Variants in SHTN1 observed in about 807,000 individuals in gnomAD.
SHTN1 encodes shootin-1.
In SHTN1, 42 loss-of-function variants were observed where a neutral mutation model predicts 83.1. That is an observed-to-expected ratio of 0.51 (90% CI 0.39 to 0.65). The LOEUF is 0.65. SHTN1 is among the 30% of genes least tolerant of loss of function. The pLI is 0.00. For synonymous variants in SHTN1, 224 were observed against 247.7 expected (o/e 0.90, Z 0.90); for missense variants, 622 against 737.8 (o/e 0.84, Z 1.82).
chr10:117,111,357 A>C (rs982788749), intron 1 of SHTN1, among the ~76,000 whole-genome samples: 8 of 151,644 alleles, frequency 5.3e-5, no homozygotes, highest in African/African-American at 1.9e-4. Flanking sequence ...ACAGTAGCAC[A>C]GTCTCAGCTC....
chr10:117,044,048 C>T (rs1190484208), intron 2 of SHTN1, among the ~76,000 whole-genome samples: 1 of 152,032 alleles, frequency 6.6e-6, no homozygotes. Context: ...GTTCAAATGC[C>T]AGGTTGAAAA....
chr10:116,970,370 C>T (rs1185802712), intron 2 of SHTN1, among the ~76,000 whole-genome samples: 2 of 152,108 alleles, frequency 1.3e-5, no homozygotes, highest in South Asian at 2.1e-4. Context: ...ATACACTATA[C>T]TACAGAGCAG....
intron 2 of SHTN1, among the ~76,000 whole-genome samples, chr10:117,028,241 G>C (rs1013362109): frequency 1.3e-5 from 2 of 152,162 alleles, no homozygotes; most frequent in Non-Finnish European, 2.9e-5. Flanking sequence ...GATGTAACCA[G>C]GCTGCTTCTA....
upstream of SHTN1, among the ~76,000 whole-genome samples, chr10:117,005,749 G>A (rs1851995361): frequency 6.6e-6 from 1 of 152,228 alleles, no homozygotes; most frequent in South Asian, 2.1e-4. Context: ...CATGCCGTGA[G>A]TGAAGGAGGG....
In SHTN1 at chr10:116,901,933, G is replaced by A. The variant is rs1307187095; in HGVS notation, c.1505C>T (p.Ser502Leu). The A allele has an allele frequency of 6.2e-7, 1 of 1,601,766 alleles. No homozygotes were observed. The highest frequency in any genetic ancestry group is 8.5e-7 in the Non-Finnish European group (1 of 1,175,534). ...CAACACTGGCATGGATTTGGACTCT[G>A]AGGTGGCTAATATCCCAGTTGGACC... ...SSSPTGILAT[S>L]ESKSMPVLGS... The change falls in exon 16 of 17, where the codon TCA (serine) becomes TTA (leucine). Residue 502 changes from serine to leucine, a missense_variant. Ser to Leu is a moderately radical substitution (Grantham distance 145). Transcript: ENST00000355371.
In SHTN1 at chr10:116,886,122, C is replaced by T. The variant is rs1304407975; in HGVS notation, c.*222G>A. On this transcript the variant is annotated 3_prime_UTR_variant, in exon 17 of 17. Transcript: ENST00000355371. ...ACAGTAACTAGGAAAAAAACCTCATCTTTATAAAGATCAAAAAACCAAAAC... is the reference window on the plus strand; with the variant it reads ...ACAGTAACTAGGAAAAAAACCTCATTTTTATAAAGATCAAAAAACCAAAAC... 1.7e-6 allele frequency: 1 copy of T among 599,580 alleles called. No individual in the cohort carries two copies. The highest frequency in any genetic ancestry group is 2.8e-6 in the Non-Finnish European group (1 of 355,888). 37.1% of individuals were successfully genotyped at this position (599,580 alleles called of 1,614,324 possible).
intron 2 of SHTN1, among the ~76,000 whole-genome samples, chr10:117,018,781 C>T (rs1338778755): frequency 6.6e-6 from 1 of 152,022 alleles, no homozygotes; most frequent in East Asian, 1.9e-4. Flanking sequence ...CCATGTTGGC[C>T]AGGCTGGTCT....
At chr10:116,928,662 C>T (rs572526638) in intron 10 of SHTN1, among the ~76,000 whole-genome samples, 25 of 152,302 alleles carry the variant, frequency 1.6e-4, no homozygotes, top group African/African-American at 5.8e-4. Context: ...CCACTTTCCC[C>T]GACTGAGTGT....
chr10:117,030,899 G>A (rs1279744697), intron 2 of SHTN1, among the ~76,000 whole-genome samples: 1 of 152,036 alleles, frequency 6.6e-6, no homozygotes, highest in African/African-American at 2.4e-5. Flanking sequence ...AGAGTTATAG[G>A]TCTTAAAGAA....
At chr10:117,119,442 G>C (rs1173019083) in intron 1 of SHTN1, among the ~76,000 whole-genome samples, 2 of 152,128 alleles carry the variant, frequency 1.3e-5, no homozygotes, top group Admixed American at 1.3e-4. Flanking sequence ...CATATGAAAA[G>C]GTGCTCAACA....
rs1205830623 is a variant in SHTN1, at chr10:116,987,760, C to A, written c.59-8452G>T. ...TGAAACCCCGTCTCTACTAAAAAAACAAAAATTAGCCAGGAGTGGGGGCAT... is the reference window on the plus strand; with the variant it reads ...TGAAACCCCGTCTCTACTAAAAAAAAAAAAATTAGCCAGGAGTGGGGGCAT... On this transcript the variant is annotated intron_variant, in intron 1 of 16. Transcript: ENST00000355371. Among the ~76,000 whole-genome samples the A allele has an allele frequency of 3.9e-5, 6 of 151,960 alleles. No homozygotes were observed. The East Asian group carries it at 1.2e-3, about 29-fold the overall frequency.
chr10:117,012,508 G>A (rs4752022), intron 2 of SHTN1, among the ~76,000 whole-genome samples: 145,708 of 152,062 alleles, frequency 0.96, 70,113 homozygotes, highest in Non-Finnish European at 1. Context: ...GAAAAAAAAA[G>A]TCTTTTCAAA....
intron 1 of SHTN1, among the ~76,000 whole-genome samples, chr10:116,999,454 T>C (rs985954795): frequency 6.6e-6 from 1 of 152,232 alleles, no homozygotes; most frequent in Non-Finnish European, 1.5e-5. Flanking sequence ...CAATGGCTTA[T>C]GGCCCTTCAA....
intron 2 of SHTN1, among the ~76,000 whole-genome samples, chr10:116,969,581 C>G (rs549235737): frequency 2.6e-5 from 4 of 152,300 alleles, no homozygotes; most frequent in African/African-American, 9.6e-5. Flanking sequence ...ATATTCCATA[C>G]TAAGCACATA....
At chr10:116,984,611 T>A (rs576639963) in intron 1 of SHTN1, among the ~76,000 whole-genome samples, 2 of 152,258 alleles carry the variant, frequency 1.3e-5, no homozygotes, top group East Asian at 3.9e-4. Context: ...CTCCAAAGGA[T>A]CATCAAACTG....
At chr10:117,091,893 T>C (rs559244390) in intron 1 of SHTN1, among the ~76,000 whole-genome samples, 3 of 152,292 alleles carry the variant, frequency 2.0e-5, no homozygotes, top group Non-Finnish European at 2.9e-5. Context: ...TGATCTCTTT[T>C]CCATGCCTGT....
chr10:117,044,218 A>C (rs1412747337), intron 2 of SHTN1, among the ~76,000 whole-genome samples: 1 of 152,140 alleles, frequency 6.6e-6, no homozygotes, highest in Non-Finnish European at 1.5e-5. Flanking sequence ...TGGAAATGTT[A>C]ATACATATTC....
chr10:116,888,760 A>T (rs1343375335), intron 16 of SHTN1, among the ~76,000 whole-genome samples: 1 of 152,218 alleles, frequency 6.6e-6, no homozygotes, highest in Non-Finnish European at 1.5e-5. Context: ...AAGCTATAAC[A>T]GAGCCTGCCC....
At chr10:117,049,849 G>T (rs1852715926) in intron 1 of SHTN1, among the ~76,000 whole-genome samples, 2 of 152,098 alleles carry the variant, frequency 1.3e-5, no homozygotes, top group Admixed American at 1.3e-4. Context: ...AAATATGTGG[G>T]ACATAGCTAA....
Sources: allele counts gnomAD v4.1 joint callset (sites outside exome capture counted in the v4.1 genomes callset), GRCh38; gene constraint gnomAD v4.1.1; transcripts MANE v1.5; gene names NCBI Gene and HGNC (gene_info 2026-07-23, HGNC 2026-07-21).